PTPRB: variants seen among roughly 807,000 people sequenced by gnomAD.
PTPRB encodes the protein receptor-type tyrosine-protein phosphatase beta.
In PTPRB, 97 loss-of-function variants were observed where a neutral mutation model predicts 238.1. The ratio of observed to expected loss-of-function variants is 0.41; its 90% CI spans 0.35 to 0.48. The LOEUF (loss-of-function observed/expected upper bound fraction) is 0.48. Ranked by LOEUF, PTPRB falls within the 20% of genes least tolerant of loss-of-function variation. The probability of loss-of-function intolerance (pLI) is 0.30; values close to 1 mark genes in which losing one functional copy is unlikely to be tolerated. For missense variants in PTPRB, 2,292 were observed against 2,681.9 expected, an observed-to-expected ratio of 0.85 and a Z score of 3.21; for synonymous variants, 970 against 995.4, an observed-to-expected ratio of 0.97 and a Z score of 0.48.
intron 29 of PTPRB, among the ~76,000 whole-genome samples, chr12:70,535,524 A>T (rs1873992970): frequency 6.6e-6 from 1 of 152,130 alleles, no homozygotes; most frequent in African/African-American, 2.4e-5. Context: ...GGCACTTTAT[A>T]CGTAATCTCT....
intron 32 of PTPRB, among the ~76,000 whole-genome samples, chr12:70,526,481 C>A (rs1016373278): frequency 6.6e-6 from 1 of 152,228 alleles, no homozygotes; most frequent in African/African-American, 2.4e-5. Flanking sequence ...GCTAGGATTA[C>A]AGGTGTGTGC....
chr12:70,540,762 A>T, intron 23 of PTPRB, 96 bp downstream of exon 23: 1 of 899,950 alleles, frequency 1.1e-6, no homozygotes, highest in Non-Finnish European at 1.7e-6. Context: ...TGGAAAAATT[A>T]AATTATTTTC....
intron 2 of PTPRB, among the ~76,000 whole-genome samples, chr12:70,623,356 A>G (rs1333683705): frequency 6.6e-6 from 1 of 152,184 alleles, no homozygotes; most frequent in Non-Finnish European, 1.5e-5. Context: ...TAAAAAAAAC[A>G]TACTGGTTCA....
At chr12:70,604,292 T>G (rs1883764857) in intron 4 of PTPRB, among the ~76,000 whole-genome samples, 1 of 152,130 alleles carries the variant, frequency 6.6e-6, no homozygotes, top group Admixed American at 6.5e-5. Context: ...AAACAAATAC[T>G]AGAGTACTCT....
At chr12:70,529,756 G>T (rs1041562987) in intron 32 of PTPRB, among the ~76,000 whole-genome samples, 1 of 152,142 alleles carries the variant, frequency 6.6e-6, no homozygotes, top group Non-Finnish European at 1.5e-5. Flanking sequence ...TAAGTGAAGG[G>T]TTGATGGGGA....
At chr12:70,607,987 A>T (rs1023928911) in intron 4 of PTPRB, among the ~76,000 whole-genome samples, 1 of 152,182 alleles carries the variant, frequency 6.6e-6, no homozygotes, top group Admixed American at 6.5e-5. Context: ...TCTTTGAAAA[A>T]AAAAGATAAT....
At chr12:70,599,603 G>A (rs1282123028) in intron 4 of PTPRB, among the ~76,000 whole-genome samples, 1 of 152,160 alleles carries the variant, frequency 6.6e-6, no homozygotes, top group Non-Finnish European at 1.5e-5. Context: ...AATATGGAAT[G>A]ACAAATGCAT....
chr12:70,606,281 C>A (rs1234450158), intron 4 of PTPRB, among the ~76,000 whole-genome samples: 1 of 152,184 alleles, frequency 6.6e-6, no homozygotes, highest in Non-Finnish European at 1.5e-5. Context: ...TACATGTGCA[C>A]TGAACTGGGT....
intron 20 of PTPRB, 60 bp downstream of exon 20, chr12:70,555,100 A>G: frequency 6.4e-7 from 1 of 1,552,070 alleles, no homozygotes; most frequent in Non-Finnish European, 8.7e-7. Flanking sequence ...AAGATCTCCC[A>G]CATGACCTCT....
chr12:70,558,920 T>A (rs1878085809), intron 18 of PTPRB: 1 of 233,494 alleles, frequency 4.3e-6, no homozygotes, highest in East Asian at 8.9e-5. Flanking sequence ...TCTTGGAATA[T>A]TTTATTCTCT....
intron 9 of PTPRB, among the ~76,000 whole-genome samples, chr12:70,582,123 C>A (rs948337917): frequency 2.0e-5 from 3 of 152,212 alleles, no homozygotes; most frequent in African/African-American, 7.2e-5. Flanking sequence ...TTTAACAAAT[C>A]TTATACACAG....
At position 70,566,708 on chromosome 12, in the gene PTPRB, C is replaced by T; in HGVS notation, c.3635-4G>A. ...ACTCCTTGGACAGATGCTGGAACTGCAGAGAGACAAGTGGAGCAACAAAAT... is the reference window on the plus strand; with the variant it reads ...ACTCCTTGGACAGATGCTGGAACTGTAGAGAGACAAGTGGAGCAACAAAAT... On this transcript the variant is annotated splice_polypyrimidine_tract_variant and splice_region_variant and intron_variant, in intron 14 of 33. Coordinates refer to ENST00000334414, the MANE Select transcript of PTPRB (RefSeq NM_001109754.4). 1 of 1,610,286 alleles carries T rather than the reference C, an allele frequency of 6.2e-7. No individual in the cohort carries two copies. The highest frequency in any genetic ancestry group is 2.2e-5 in the East Asian group (1 of 44,810).
At chr12:70,548,235 T>A (rs1876320608) in intron 21 of PTPRB, among the ~76,000 whole-genome samples, 1 of 151,892 alleles carries the variant, frequency 6.6e-6, no homozygotes. Context: ...GGCTGAGGCA[T>A]GAGAATTGCT....
rs770053241 is a variant in PTPRB, at chr12:70,559,519, A to T, written c.4538T>A (p.Leu1513Gln). Residue 1513 changes from leucine (L) to glutamine (Q), a missense_variant, in exon 18 of 34, where the codon CTG (leucine) becomes CAG (glutamine). Coordinates refer to ENST00000334414, the MANE Select transcript of PTPRB (RefSeq NM_001109754.4). ...AAGTGCATCTCTGGGCAACCACTGC[A>T]GCTCAAAGTCGTTGTAGTCTGTCCA... ...PDWTDYNDFE[L>Q]QWLPRDALTV... 6.2e-7 allele frequency: 1 copy of T among 1,614,018 alleles called. No homozygotes were observed.
At chr12:70,542,008 G>A (rs111295052) in intron 22 of PTPRB, 1 of 147,768 alleles carries the variant, frequency 6.8e-6, no homozygotes, top group Non-Finnish European at 1.5e-5. Context: ...GTAACTCTAG[G>A]TTTAATATTT....
intron 21 of PTPRB, among the ~76,000 whole-genome samples, chr12:70,549,253 G>T (rs1443603754): frequency 1.3e-5 from 2 of 152,158 alleles, no homozygotes; most frequent in Admixed American, 1.3e-4. Flanking sequence ...TCCAGAATCA[G>T]AATTCTATAG....
chr12:70,543,219 G>GTGTT (rs1413652511), intron 22 of PTPRB, among the ~76,000 whole-genome samples: 14 of 152,098 alleles, frequency 9.2e-5, no homozygotes, highest in African/African-American at 3.4e-4. Context: ...TCTTGTAAAA[G>GTGTT]TGTTACTGTG....
intron 3 of PTPRB, among the ~76,000 whole-genome samples, chr12:70,616,186 C>T (rs1167865627): frequency 2.0e-5 from 3 of 152,094 alleles, no homozygotes; most frequent in Non-Finnish European, 2.9e-5. Context: ...TCATGTGACC[C>T]TCCTGCCTCG....
intron 2 of PTPRB, among the ~76,000 whole-genome samples, chr12:70,624,225 A>G (rs973025095): frequency 3.3e-5 from 5 of 152,164 alleles, no homozygotes; most frequent in Non-Finnish European, 7.3e-5. Flanking sequence ...AAGGATGATA[A>G]CATACTATGT....
Sources: gnomAD v4.1 joint callset for allele counts (sites outside exome capture counted in the v4.1 genomes callset) on GRCh38, gnomAD v4.1.1 for gene constraint, MANE v1.5 for transcripts, NCBI Gene and HGNC (gene_info 2026-07-23, HGNC 2026-07-21) for gene names.